Variants in CPNE1 observed in about 807,000 individuals in gnomAD.
CPNE1 encodes copine 1.
Under a neutral mutation model 63.2 loss-of-function variants are expected in CPNE1, and 58 were observed. That is an observed-to-expected ratio of 0.92 (90% CI 0.74 to 1.14). The LOEUF is 1.14. Among genes scored for constraint, CPNE1 ranks in the 50% most tolerant of loss-of-function variants. CPNE1 has a pLI of 0.00. For missense variants in CPNE1, 672 were observed against 661.7 expected (o/e 1.02, Z -0.17); for synonymous variants, 237 against 249.0 (o/e 0.95, Z 0.45).
chr20:35,631,000 G>T lies in CPNE1; in HGVS notation c.896C>A (p.Pro299His). Residue 299 changes from proline (P) to histidine (H), a missense_variant, in exon 11 of 16, where the codon CCC becomes CAC. Pro to His is a moderately conservative substitution (Grantham distance 77, BLOSUM62 -2). Transcript: ENST00000397443. Reference sequence around the variant, plus strand: ...GTAGTGTAGGGAGTCAGGTGAGGAGGGGTCTCCATTGGAGCCAGTGAAGTC... The same window carrying T: ...GTAGTGTAGGGAGTCAGGTGAGGAGTGGTCTCCATTGGAGCCAGTGAAGTC... ...GVDFTGSNGD[P>H]SSPDSLHYLS... 1 of 1,613,780 alleles carries T rather than the reference G, an allele frequency of 6.2e-7. No homozygotes were observed. Among genetic ancestry groups the T allele is most frequent in the Non-Finnish European group, 8.5e-7 (1 of 1,179,920 alleles).
At chr20:35,662,892 A>G (rs2034312721) in intron 1 of CPNE1, among the ~76,000 whole-genome samples, 1 of 152,244 alleles carries the variant, frequency 6.6e-6, no homozygotes, top group African/African-American at 2.4e-5. Context: ...TTATTTCTAA[A>G]GCTTCACATT....
intron 7 of CPNE1, 43 bp downstream of exon 7, chr20:35,631,645 T>C (rs747404143): frequency 1.2e-6 from 2 of 1,607,584 alleles, no homozygotes; most frequent in African/African-American, 1.3e-5. Context: ...CCTCCCCAGG[T>C]TCTCTTCTCC....
intron 1 of CPNE1, among the ~76,000 whole-genome samples, chr20:35,659,618 T>C (rs893482356): frequency 7.9e-5 from 12 of 152,210 alleles, no homozygotes; most frequent in Non-Finnish European, 1.6e-4. Flanking sequence ...GAAAGTGTTT[T>C]TTCCTCTGAC....
intron 1 of CPNE1, 114 bp from the exon 2 acceptor site, chr20:35,633,037 T>C: frequency 1.4e-6 from 1 of 739,196 alleles, no homozygotes; most frequent in South Asian, 1.7e-5. Context: ...TGAGCATACG[T>C]CCACCCCCGT....
intron 1 of CPNE1, chr20:35,653,518 T>C: frequency 6.2e-7 from 1 of 1,614,248 alleles, no homozygotes; most frequent in Non-Finnish European, 8.5e-7. Context: ...GTGTAAGCGT[T>C]CAGACTTACG....
At chr20:35,636,575 G>A (rs768815786) in intron 1 of CPNE1, among the ~76,000 whole-genome samples, 3 of 152,156 alleles carry the variant, frequency 2.0e-5, no homozygotes, top group South Asian at 4.1e-4. Context: ...CGAGGCAGGC[G>A]GATCACTTGA....
At chr20:35,638,101 G>A (rs1042006324) in intron 1 of CPNE1, among the ~76,000 whole-genome samples, 21 of 152,228 alleles carry the variant, frequency 1.4e-4, no homozygotes, top group South Asian at 2.1e-4. Context: ...GTAAACTATG[G>A]GGTCCTTGAA....
At chr20:35,632,100 TC>T in intron 5 of CPNE1, 62 bp downstream of exon 5, 2 of 1,597,710 alleles carry the variant, frequency 1.3e-6, no homozygotes. Context: ...CACACCCCCA[TC>T]CCCCATACAC....
intron 1 of CPNE1, among the ~76,000 whole-genome samples, chr20:35,662,535 C>T (rs1020366663): frequency 2.0e-5 from 3 of 152,192 alleles, no homozygotes; most frequent in Admixed American, 6.5e-5. Flanking sequence ...TAAAAGTGGA[C>T]ATCATCAGTC....
At chr20:35,653,653 T>C in intron 1 of CPNE1, 1 of 1,614,238 alleles carries the variant, frequency 6.2e-7, no homozygotes, top group South Asian at 1.1e-5. Flanking sequence ...AACATCCATC[T>C]TTGTAATGCT....
chr20:35,653,703 G>A (rs1568936157), intron 1 of CPNE1: 2 of 1,614,228 alleles, frequency 1.2e-6, no homozygotes. Flanking sequence ...CTTTGGCAGA[G>A]TTGACATCCC....
chr20:35,628,366 G>A (rs2031905873), intron 13 of CPNE1, among the ~76,000 whole-genome samples: 1 of 151,596 alleles, frequency 6.6e-6, no homozygotes, highest in Non-Finnish European at 1.5e-5. Flanking sequence ...TATTTGTATA[G>A]TCTCTTCCCA....
At chr20:35,653,031 A>C (rs751670664) in intron 1 of CPNE1, 9 of 1,613,696 alleles carry the variant, frequency 5.6e-6, no homozygotes, top group Non-Finnish European at 7.6e-6. Context: ...CCAGTCCTAG[A>C]CCAGGCAAAC....
chr20:35,658,613 T>A (rs1381112306), intron 1 of CPNE1, among the ~76,000 whole-genome samples: 1 of 151,788 alleles, frequency 6.6e-6, no homozygotes, highest in African/African-American at 2.4e-5. Context: ...ACAAAAAAAT[T>A]AGCCGGGTAT....
intron 1 of CPNE1, among the ~76,000 whole-genome samples, chr20:35,644,383 T>A (rs532595510): frequency 6.6e-6 from 1 of 152,276 alleles, no homozygotes; most frequent in African/African-American, 2.4e-5. Flanking sequence ...CAGTGTAGAA[T>A]CACTACCACA....
At chr20:35,641,685 G>T (rs2032821541) in intron 1 of CPNE1, among the ~76,000 whole-genome samples, 1 of 152,076 alleles carries the variant, frequency 6.6e-6, no homozygotes. Flanking sequence ...CCCTTTTCAT[G>T]ATCTTTCCAG....
chr20:35,663,585 C>A (rs1425668375), intron 1 of CPNE1, among the ~76,000 whole-genome samples: 2 of 152,154 alleles, frequency 1.3e-5, no homozygotes, highest in East Asian at 3.8e-4. Context: ...CTCTGAGAAT[C>A]CTGGAGCCAA....
intron 1 of CPNE1, chr20:35,654,839 T>C (rs369640370): frequency 1.1e-5 from 18 of 1,614,014 alleles, no homozygotes; most frequent in Non-Finnish European, 1.4e-5. Context: ...GAAGCCCCCA[T>C]ATTTGGAGGA....
At chr20:35,642,124 T>C (rs1444729468) in intron 1 of CPNE1, among the ~76,000 whole-genome samples, 1 of 152,204 alleles carries the variant, frequency 6.6e-6, no homozygotes, top group Non-Finnish European at 1.5e-5. Flanking sequence ...ACCCTTCCCT[T>C]GCCTTGGGAG....
Sources: gnomAD v4.1 joint callset for allele counts (sites outside exome capture counted in the v4.1 genomes callset) on GRCh38, gnomAD v4.1.1 for gene constraint, MANE v1.5 for transcripts, NCBI Gene and HGNC (gene_info 2026-07-23, HGNC 2026-07-21) for gene names.